ADAMTS3: variants seen among roughly 807,000 people sequenced by gnomAD.
ADAMTS3 encodes the protein ADAM metallopeptidase with thrombospondin type 1 motif 3, also known as A disintegrin and metalloproteinase with thrombospondin motifs 3.
ADAMTS3 carries 73 observed loss-of-function variants against 129.0 expected under a neutral mutation model. The observed-to-expected ratio is 0.57, with a 90% CI of 0.47 to 0.69. The LOEUF is 0.69. Among genes scored for constraint, ADAMTS3 ranks in the 30% least tolerant of loss-of-function variants. ADAMTS3 has a pLI of 0.00. For synonymous variants in ADAMTS3, 477 were observed against 510.8 expected, an observed-to-expected ratio of 0.93 and a Z score of 0.89; for missense variants, 1,457 against 1,514.5, an observed-to-expected ratio of 0.96 and a Z score of 0.63.
intron 3 of ADAMTS3, among the ~76,000 whole-genome samples, chr4:72,496,497 T>C (rs1455638500): frequency 6.6e-6 from 1 of 152,124 alleles, no homozygotes; most frequent in African/African-American, 2.4e-5. Flanking sequence ...TCCTACTGGA[T>C]ATTAATCTTC....
chr4:72,355,192 T>A (rs1014512388), intron 4 of ADAMTS3, among the ~76,000 whole-genome samples: 12 of 150,846 alleles, frequency 8.0e-5, no homozygotes, highest in Non-Finnish European at 1.8e-4. Context: ...GTTGTTTACC[T>A]GAACAAAATA....
chr4:72,385,097 G>A (rs984790118), intron 4 of ADAMTS3, among the ~76,000 whole-genome samples: 2 of 151,918 alleles, frequency 1.3e-5, no homozygotes, highest in Middle Eastern at 3.4e-3. Context: ...GGAGAATGGC[G>A]TGAACCTGGG....
At chr4:72,568,382 T>A (rs1722075951) in intron 1 of ADAMTS3, among the ~76,000 whole-genome samples, 1 of 152,128 alleles carries the variant, frequency 6.6e-6, no homozygotes, top group African/African-American at 2.4e-5. Flanking sequence ...GAAGCCCAGA[T>A]GGCCCGGCGA....
chr4:72,498,465 A>G (rs1213429357), intron 3 of ADAMTS3, among the ~76,000 whole-genome samples: 1 of 152,092 alleles, frequency 6.6e-6, no homozygotes, highest in East Asian at 1.9e-4. Flanking sequence ...CAGAAGAAAA[A>G]GTACATGAAT....
chr4:72,392,954 C>T (rs1371521619), intron 4 of ADAMTS3, among the ~76,000 whole-genome samples: 1 of 144,860 alleles, frequency 6.9e-6, no homozygotes, highest in Non-Finnish European at 1.5e-5. Context: ...GAGATGGAGT[C>T]TCACCCTGTC....
At chr4:72,309,937 G>T (rs1366734485) in intron 14 of ADAMTS3, among the ~76,000 whole-genome samples, 1 of 152,006 alleles carries the variant, frequency 6.6e-6, no homozygotes, top group African/African-American at 2.4e-5. Flanking sequence ...TATGATGTGA[G>T]ACAAAACTTC....
chr4:72,283,743 TA>T (rs775727866), intron 21 of ADAMTS3, 39 bp from the exon 22 acceptor site: 2 of 1,473,372 alleles, frequency 1.4e-6, no homozygotes, highest in South Asian at 1.4e-5. Flanking sequence ...CACTAGCATC[TA>T]AACATAAAAT....
At chr4:72,540,006 C>A (rs1578777890) in intron 3 of ADAMTS3, among the ~76,000 whole-genome samples, 1 of 152,062 alleles carries the variant, frequency 6.6e-6, no homozygotes, top group East Asian at 1.9e-4. Context: ...TGAAAAGATA[C>A]CCAAAAATGT....
rs1720518976 is a variant in ADAMTS3, at chr4:72,517,386, G to A, written c.504+31092C>T. 2.0e-5 allele frequency among the ~76,000 whole-genome samples: 3 copies of A among 152,246 alleles called. No homozygotes were observed. In the South Asian group the frequency reaches 6.2e-4, roughly 32 times the overall value. ...AGGGAGGATTCCCTCTTTTTCTATT[G>A]ATTGGAATAGTTTCAGAAAGAATGG... On this transcript the variant is annotated intron_variant, in intron 3 of 21. Coordinates refer to ENST00000286657, the MANE Select transcript of ADAMTS3 (RefSeq NM_014243.3).
intron 3 of ADAMTS3, among the ~76,000 whole-genome samples, chr4:72,461,191 T>C (rs1718759329): frequency 6.6e-6 from 1 of 151,554 alleles, no homozygotes; most frequent in African/African-American, 2.4e-5. Context: ...ACAAAATAGA[T>C]ACATCTTTAG....
intron 3 of ADAMTS3, among the ~76,000 whole-genome samples, chr4:72,503,055 A>C (rs1289709191): frequency 2.0e-5 from 3 of 151,782 alleles, no homozygotes; most frequent in African/African-American, 7.3e-5. Flanking sequence ...ATGGAGTCTC[A>C]CTCTGTTGCC....
chr4:72,283,685 G>A lies in ADAMTS3; in HGVS notation c.3069C>T (p.Asp1023=). The A allele has an allele frequency of 6.3e-7, 1 of 1,587,308 alleles. No homozygotes were observed. Among genetic ancestry groups the A allele is most frequent in the Non-Finnish European group, 8.6e-7 (1 of 1,162,482 alleles). ...CTTCCATTTGACAGAATATGGACTT[G>A]TCTCCCAAACATGGTTCATCTGCAA... ...PPCNDEPCLG[D]KSIFCQMEVL... Residue 1023 remains aspartate (D), a synonymous_variant, in exon 22 of 22, where the codon GAC becomes GAT. Transcript: ENST00000286657.
chr4:72,498,669 G>A (rs112290501), intron 3 of ADAMTS3, among the ~76,000 whole-genome samples: 25 of 150,668 alleles, frequency 1.7e-4, no homozygotes, highest in African/African-American at 5.8e-4. Context: ...ACACACACAC[G>A]CACACACACG....
intron 3 of ADAMTS3, among the ~76,000 whole-genome samples, chr4:72,502,972 T>A (rs1720063182): frequency 6.6e-6 from 1 of 152,046 alleles, no homozygotes; most frequent in South Asian, 2.1e-4. Context: ...ATCCTAGATA[T>A]TTTTGGTATG....
intron 3 of ADAMTS3, among the ~76,000 whole-genome samples, chr4:72,425,710 C>T (rs1216644688): frequency 1.3e-5 from 2 of 151,982 alleles, no homozygotes; most frequent in Non-Finnish European, 2.9e-5. Context: ...ATATGTGCCA[C>T]ATTTTCTTAA....
intron 3 of ADAMTS3, among the ~76,000 whole-genome samples, chr4:72,519,093 A>C (rs985152458): frequency 2.7e-5 from 4 of 150,274 alleles, no homozygotes; most frequent in African/African-American, 9.8e-5. Context: ...TCCTTCACTT[A>C]TGAAGCTTAG....
chr4:72,444,660 C>T (rs1449084010), intron 3 of ADAMTS3, among the ~76,000 whole-genome samples: 2 of 151,602 alleles, frequency 1.3e-5, no homozygotes, highest in Non-Finnish European at 3.0e-5. Flanking sequence ...TACTTAAATG[C>T]TAGATAAAAT....
At chr4:72,522,544 A>G in intron 3 of ADAMTS3, among the ~76,000 whole-genome samples, 1 of 152,146 alleles carries the variant, frequency 6.6e-6, no homozygotes, top group South Asian at 2.1e-4. Flanking sequence ...TACAAAGTCT[A>G]CAAGTCGTAT....
chr4:72,359,071 A>G (rs1029599464), intron 4 of ADAMTS3, among the ~76,000 whole-genome samples: 3 of 152,058 alleles, frequency 2.0e-5, no homozygotes, highest in African/African-American at 7.2e-5. Context: ...ACGATCTGCA[A>G]TTTAAAAGTC....
Sources: gnomAD v4.1 joint callset for allele counts (sites outside exome capture counted in the v4.1 genomes callset) on GRCh38, gnomAD v4.1.1 for gene constraint, MANE v1.5 for transcripts, NCBI Gene and HGNC (gene_info 2026-07-23, HGNC 2026-07-21) for gene names.